Variants in DLGAP1 observed in about 807,000 individuals in gnomAD.
DLGAP1 encodes the protein disks large-associated protein 1.
DLGAP1 carries 11 observed loss-of-function variants against 90.8 expected under a neutral mutation model. That is an observed-to-expected ratio of 0.12 (90% CI 0.08 to 0.20). The LOEUF is 0.20. Among genes scored for constraint, DLGAP1 ranks in the 10% least tolerant of loss-of-function variants. DLGAP1 has a pLI of 1.00. For synonymous variants in DLGAP1, 558 were observed against 540.7 expected (o/e 1.03, Z -0.44); for missense variants, 1,050 against 1,333.8 (o/e 0.79, Z 3.31).
chr18:3,924,628 A>G (rs1377123675), intron 3 of DLGAP1, among the ~76,000 whole-genome samples: 1 of 152,218 alleles, frequency 6.6e-6, no homozygotes, highest in Non-Finnish European at 1.5e-5. Context: ...GGTGCTACCC[A>G]GCCCTTTTCC....
At chr18:3,534,760 C>T (rs113230533) in intron 9 of DLGAP1, 145 bp from the exon 10 acceptor site, 12,790 of 739,364 alleles carry the variant, frequency 0.017, 486 homozygotes, top group African/African-American at 0.093. Context: ...GGCGTGATCT[C>T]GGCTCACAGC....
rs181100850 is a variant in DLGAP1, at chr18:3,974,688, A to G, written c.-73+30428T>C. Among the ~76,000 whole-genome samples, 257 of 152,304 alleles carry G rather than the reference A, an allele frequency of 1.7e-3. 6 individuals are homozygous for G. The South Asian group carries it at 0.026, about 16-fold the overall frequency. On this transcript the variant is annotated intron_variant, in intron 3 of 12. Transcript: ENST00000315677. ...TAAATGGGAGTATGACATTGAAAAC[A>G]TTCAATGTCAAAAGACCTAACATAA...
chr18:3,780,549 G>A (rs1010244525), intron 5 of DLGAP1, among the ~76,000 whole-genome samples: 2 of 152,106 alleles, frequency 1.3e-5, no homozygotes, highest in African/African-American at 4.8e-5. Context: ...TAACTTTTCC[G>A]CCTCCCTTTT....
intron 7 of DLGAP1, among the ~76,000 whole-genome samples, chr18:3,599,688 C>T (rs541913063): frequency 4.6e-5 from 7 of 152,118 alleles, no homozygotes; most frequent in African/African-American, 1.2e-4. Context: ...GGCGCGATCT[C>T]GGCTCACTGC....
intron 1 of DLGAP1, chr18:4,430,854 A>T (rs1358328010): frequency 1.3e-5 from 2 of 152,616 alleles, no homozygotes; most frequent in Non-Finnish European, 2.9e-5. Context: ...AGTCATCTGA[A>T]ATTGTGATTG....
chr18:4,116,889 CTGTG>C (rs1227342795), intron 2 of DLGAP1, among the ~76,000 whole-genome samples: 1 of 152,196 alleles, frequency 6.6e-6, no homozygotes, highest in Non-Finnish European at 1.5e-5. Flanking sequence ...TTTCTTCTGT[CTGTG>C]TATCTACTAT....
At chr18:3,519,742 C>T (rs2051061556) in intron 10 of DLGAP1, among the ~76,000 whole-genome samples, 1 of 152,180 alleles carries the variant, frequency 6.6e-6, no homozygotes, top group Non-Finnish European at 1.5e-5. Context: ...TGCAAGGACA[C>T]AGGGTTTGTC....
chr18:4,054,561 G>A (rs890031321), intron 2 of DLGAP1, among the ~76,000 whole-genome samples: 10 of 152,182 alleles, frequency 6.6e-5, no homozygotes, highest in African/African-American at 1.7e-4. Context: ...AGCAGGACAC[G>A]TTGGTGTAAG....
chr18:4,133,363 A>G (rs1456716785), intron 2 of DLGAP1, among the ~76,000 whole-genome samples: 3 of 152,208 alleles, frequency 2.0e-5, no homozygotes, highest in East Asian at 3.9e-4. Context: ...CCATTTGCCT[A>G]TCAGAACTAT....
chr18:3,561,890 A>G (rs929642211), intron 9 of DLGAP1, among the ~76,000 whole-genome samples: 1 of 150,836 alleles, frequency 6.6e-6, no homozygotes, highest in East Asian at 1.9e-4. Flanking sequence ...GAGGCCCCAC[A>G]ATCATGGCAT....
intron 7 of DLGAP1, among the ~76,000 whole-genome samples, chr18:3,622,400 C>T (rs556619241): frequency 2.0e-5 from 3 of 152,276 alleles, no homozygotes; most frequent in Admixed American, 1.3e-4. Flanking sequence ...CCACTGCACT[C>T]GTCCTAAGCT....
intron 7 of DLGAP1, among the ~76,000 whole-genome samples, chr18:3,622,420 A>G (rs1479817472): frequency 1.3e-5 from 2 of 152,128 alleles, no homozygotes; most frequent in Non-Finnish European, 2.9e-5. Context: ...TGATTATTTC[A>G]TGATTCATGC....
chr18:3,794,403 TA>T (rs371972100), intron 5 of DLGAP1, among the ~76,000 whole-genome samples: 1 of 144,368 alleles, frequency 6.9e-6, no homozygotes, highest in African/African-American at 2.6e-5. Context: ...TGGATTCATT[TA>T]TTTCTGACTT....
chr18:3,732,310 G>A (rs1028438927), intron 6 of DLGAP1, among the ~76,000 whole-genome samples: 41 of 152,214 alleles, frequency 2.7e-4, no homozygotes, highest in Admixed American at 1.8e-3. Flanking sequence ...TGTCTAGTTT[G>A]TCTCTCTTCT....
At chr18:3,907,804 C>G (rs2071943167) in intron 3 of DLGAP1, among the ~76,000 whole-genome samples, 1 of 152,196 alleles carries the variant, frequency 6.6e-6, no homozygotes, top group Non-Finnish European at 1.5e-5. Context: ...GGATGAGCCA[C>G]AGATCAGAGG....
intron 1 of DLGAP1, among the ~76,000 whole-genome samples, chr18:4,357,241 C>T (rs544509282): frequency 2.7e-4 from 41 of 150,454 alleles, no homozygotes; most frequent in African/African-American, 1.0e-3. Context: ...GCAACCTCCA[C>T]CTCCTGGGTT....
At chr18:4,314,487 C>T (rs1182403294) in intron 1 of DLGAP1, among the ~76,000 whole-genome samples, 1 of 152,164 alleles carries the variant, frequency 6.6e-6, no homozygotes, top group Non-Finnish European at 1.5e-5. Flanking sequence ...CCTGGCTTTG[C>T]AATGTCAGAG....
chr18:3,528,655 G>A (rs1369226002), intron 10 of DLGAP1, among the ~76,000 whole-genome samples: 2 of 152,180 alleles, frequency 1.3e-5, no homozygotes, highest in African/African-American at 4.8e-5. Flanking sequence ...GGTATTGTGA[G>A]GGCAAGATGA....
intron 8 of DLGAP1, among the ~76,000 whole-genome samples, chr18:3,576,451 G>A (rs1010006706): frequency 6.6e-6 from 1 of 151,864 alleles, no homozygotes; most frequent in Non-Finnish European, 1.5e-5. Context: ...AGTAGAGACT[G>A]GGTTTCACCA....
Sources: gnomAD v4.1 joint callset for allele counts (sites outside exome capture counted in the v4.1 genomes callset) on GRCh38, gnomAD v4.1.1 for gene constraint, MANE v1.5 for transcripts, NCBI Gene and HGNC (gene_info 2026-07-23, HGNC 2026-07-21) for gene names.